The following TTF1 variants were observed in gnomAD, a reference collection of about 807,000 sequenced individuals.
TTF1 encodes the protein transcription termination factor, RNA polymerase I.
A neutral mutation model predicts 80.2 loss-of-function variants in TTF1; 64 were observed. The observed-to-expected ratio is 0.80, with a 90% confidence interval of 0.65 to 0.98. The LOEUF is 0.98. Ranked by LOEUF, TTF1 falls within the 50% of genes least tolerant of loss-of-function variation. The pLI, the probability that TTF1 is intolerant of heterozygous loss-of-function variation, is 0.00. For synonymous variants in TTF1, 372 were observed against 382.7 expected (o/e 0.97, Z 0.33); for missense variants, 1,023 against 1,086.2 (o/e 0.94, Z 0.82).
At chr9:132,395,089 G>A (rs1290123130) in intron 5 of TTF1, among the ~76,000 whole-genome samples, 1 of 152,022 alleles carries the variant, frequency 6.6e-6, no homozygotes, top group African/African-American at 2.4e-5. Flanking sequence ...CTACCCGGGA[G>A]GCTGAGACAG....
intron 5 of TTF1, among the ~76,000 whole-genome samples, chr9:132,395,892 T>C (rs1403498337): frequency 1.3e-5 from 2 of 152,198 alleles, no homozygotes; most frequent in Non-Finnish European, 2.9e-5. Flanking sequence ...CTACGTTTGG[T>C]TTGTTTTTAA....
Position 132,377,468 on chromosome 9 carries a change from GGT to G in TTF1, c.2465-1302_2465-1301del, listed in dbSNP as rs1327575772. ...GCATGTGGTGTGTGTGAGTGCATGT[GGT>G]GTGTGTGAATGCATGTGGTGTGTGT... is the stretch of plus-strand genomic sequence containing the variant. On this transcript the variant is annotated intron_variant, in intron 10 of 10. Coordinates refer to ENST00000334270, the MANE Select transcript of TTF1 (RefSeq NM_007344.4). 9.3e-3 allele frequency among the ~76,000 whole-genome samples: 691 copies of G among 74,436 alleles called. 12 individuals are homozygous for G. The highest frequency in any genetic ancestry group is 0.013 in the Non-Finnish European group (483 of 35,824). The allele number at this position is 74,436 out of a possible 152,430, so 48.8% of individuals were successfully genotyped here. A position where few individuals can be genotyped will look rare whatever the true frequency, so the allele number is the denominator to read the frequency against.
intron 10 of TTF1, among the ~76,000 whole-genome samples, chr9:132,378,068 ATGTGGTG>A (rs1303234701): frequency 1.1e-5 from 1 of 94,420 alleles, no homozygotes; most frequent in African/African-American, 4.3e-5. Flanking sequence ...GTGTGAGTGC[ATGTGGTG>A]TGTGTGAGTG....
intron 5 of TTF1, among the ~76,000 whole-genome samples, chr9:132,392,755 T>C (rs1028528098): frequency 6.6e-6 from 1 of 152,184 alleles, no homozygotes; most frequent in East Asian, 1.9e-4. Context: ...CTAGTAGTCA[T>C]AGGAAAACTC....
chr9:132,386,480 A>G (rs1000696939), intron 9 of TTF1, 76 bp downstream of exon 9: 3 of 1,187,726 alleles, frequency 2.5e-6, no homozygotes, highest in Non-Finnish European at 3.7e-6. Flanking sequence ...CAGCCCTGTA[A>G]GATGATAGGG....
intron 9 of TTF1, among the ~76,000 whole-genome samples, chr9:132,380,105 T>C (rs1205112716): frequency 6.6e-6 from 1 of 152,108 alleles, no homozygotes; most frequent in East Asian, 1.9e-4. Flanking sequence ...AGTCTCGCTC[T>C]GTCACCCAGG....
Position 132,400,250 on chromosome 9 carries a change from G to A in TTF1, c.1376C>T (p.Pro459Leu). The A allele has an allele frequency of 1.9e-6, 3 of 1,614,132 alleles. No individual in the cohort carries two copies. Among genetic ancestry groups the A allele is most frequent in the Middle Eastern group, 3.3e-4 (2 of 6,062 alleles). The part of the protein sequence containing the change: ...KHVQEAPRLE[P>L]ANEEHNVETA... ...TTCCACATTGTGTTCTTCATTTGCA[G>A]GTTCTAACCTAAGGGGTTAGAAAAT... Residue 459 changes from proline (P) to leucine (L), a missense_variant, in exon 3 of 11, where the codon CCT (proline) becomes CTT (leucine). By Grantham distance (98) the Pro-to-Leu change is moderately conservative. Coordinates refer to ENST00000334270, the MANE Select transcript of TTF1 (RefSeq NM_007344.4).
In TTF1 at chr9:132,384,593, G is replaced by A. The variant is rs1849425769; in HGVS notation, c.2378+1963C>T. Among the ~76,000 whole-genome samples, 1 of 152,098 alleles carries A rather than the reference G, an allele frequency of 6.6e-6. No individual in the cohort carries two copies. The highest frequency in any genetic ancestry group is 1.5e-5 in the Non-Finnish European group (1 of 68,008). On this transcript the variant is annotated intron_variant, in intron 9 of 10. Transcript: ENST00000334270. The surrounding 1 kb of genome is among the most constrained non-coding windows in gnomAD (Gnocchi z 4.1). Reference sequence around the variant, plus strand: ...GAAAATAGATACTGGTTTCCTGTAGGGCTACGCGTGGCTGGTGAGTGGTAA... The same window carrying A: ...GAAAATAGATACTGGTTTCCTGTAGAGCTACGCGTGGCTGGTGAGTGGTAA...
intron 1 of TTF1, among the ~76,000 whole-genome samples, chr9:132,404,672 A>C (rs1849830449): frequency 6.6e-6 from 1 of 152,100 alleles, no homozygotes; most frequent in Admixed American, 6.5e-5. Flanking sequence ...CCTTCACAGC[A>C]ACATTTCCTG....
Position 132,387,557 on chromosome 9 carries a change from G to A in TTF1, c.2312+582C>T, listed in dbSNP as rs185065785. ...TCACGTGTGAGGCAGAGGGAATGAAGGCGGACAGCAAGGCCAGAACCCACA... is the reference window on the plus strand; with the variant it reads ...TCACGTGTGAGGCAGAGGGAATGAAAGCGGACAGCAAGGCCAGAACCCACA... On this transcript the variant is annotated intron_variant, in intron 8 of 10. Transcript: ENST00000334270. 6.8e-4 allele frequency among the ~76,000 whole-genome samples: 104 copies of A among 152,308 alleles called. 1 individual carries two copies. The highest frequency in any genetic ancestry group is 2.5e-3 in the African/African-American group (104 of 41,566).
At chr9:132,393,058 A>G (rs1340249384) in intron 5 of TTF1, among the ~76,000 whole-genome samples, 1 of 152,168 alleles carries the variant, frequency 6.6e-6, no homozygotes, top group Non-Finnish European at 1.5e-5. Flanking sequence ...TGGTCACCAT[A>G]CTGGAAGACA....
At chr9:132,405,300 G>T (rs937879608) in intron 1 of TTF1, among the ~76,000 whole-genome samples, 1 of 152,164 alleles carries the variant, frequency 6.6e-6, no homozygotes, top group East Asian at 1.9e-4. Context: ...CGCCTCCCGG[G>T]TTCAAGCGAT....
intron 10 of TTF1, among the ~76,000 whole-genome samples, chr9:132,377,688 G>GGT (rs138099361): frequency 0.027 from 1,178 of 43,282 alleles, 28 homozygotes; most frequent in African/African-American, 0.033. Context: ...GAATGCATGT[G>GGT]GTGTGAGTGC....
At position 132,375,608 on chromosome 9, in the gene TTF1, G is replaced by C. The variant is rs1849157403; in HGVS notation, c.*307C>G. On this transcript the variant is annotated 3_prime_UTR_variant, in exon 11 of 11. Coordinates refer to ENST00000334270, the MANE Select transcript of TTF1 (RefSeq NM_007344.4). ...ATATATTTTAATGCTCCAGAGGAAA[G>C]AGTAGAACTCTGGCCATTGTACATT... The C allele has an allele frequency of 4.6e-6, 1 of 215,132 alleles. No homozygotes were observed. The highest frequency in any genetic ancestry group is 5.2e-5 in the Admixed American group (1 of 19,332). The allele number at this position is 215,132 out of a possible 1,614,324, so 13.3% of individuals were successfully genotyped here. A position where few individuals can be genotyped will look rare whatever the true frequency, so the allele number is the denominator to read the frequency against.
chr9:132,406,514 A>G (rs938484414), intron 1 of TTF1, among the ~76,000 whole-genome samples: 8 of 151,966 alleles, frequency 5.3e-5, no homozygotes, highest in African/African-American at 1.9e-4. Context: ...AGGCAGGAGA[A>G]TCGCTTGAAC....
At chr9:132,393,869 G>A (rs1849601777) in intron 5 of TTF1, among the ~76,000 whole-genome samples, 1 of 151,966 alleles carries the variant, frequency 6.6e-6, no homozygotes, top group African/African-American at 2.4e-5. Flanking sequence ...ATTCCTATCT[G>A]AGTAGGAATG....
In TTF1 at chr9:132,386,605, CATTT is replaced by C; in HGVS notation, c.2325_2328del (p.Ile775MetfsTer8). 1 of 1,612,306 alleles carries C rather than the reference CATTT, an allele frequency of 6.2e-7. No individual in the cohort carries two copies. Among genetic ancestry groups the C allele is most frequent in the Non-Finnish European group, 8.5e-7 (1 of 1,178,452 alleles). On this transcript the variant is annotated frameshift_variant, in exon 9 of 11. Coordinates refer to ENST00000334270, the MANE Select transcript of TTF1 (RefSeq NM_007344.4). LOFTEE classifies it high-confidence loss of function. ...CAGTCTATTTCATTAGTATCTTCCA[CATTT>C]ATTTCATACAACCTGTGAGAAAAAA...
At chr9:132,379,306 G>A in intron 9 of TTF1, 162 bp from the exon 10 acceptor site, 3 of 468,722 alleles carry the variant, frequency 6.4e-6, no homozygotes, top group Non-Finnish European at 1.1e-5. Flanking sequence ...CAATTTTTGT[G>A]GAATATGGAA....
chr9:132,376,608 C>T (rs1259182146), intron 10 of TTF1, among the ~76,000 whole-genome samples: 2 of 151,136 alleles, frequency 1.3e-5, no homozygotes, highest in Non-Finnish European at 2.9e-5. Flanking sequence ...TGGACTCGGT[C>T]TAGAGACTAG....
Sources: allele counts gnomAD v4.1 joint callset (sites outside exome capture counted in the v4.1 genomes callset), GRCh38; gene constraint gnomAD v4.1.1; non-coding constraint Gnocchi (gnomAD v3.1); transcripts MANE v1.5; gene names NCBI Gene and HGNC (gene_info 2026-07-23, HGNC 2026-07-21).